The following KHDRBS2 variants were observed in gnomAD, a reference collection of about 807,000 sequenced individuals.
KHDRBS2 encodes KH RNA binding domain containing, signal transduction associated 2, also known as KH domain-containing, RNA-binding, signal transduction-associated protein 2.
A neutral mutation model predicts 44.3 loss-of-function variants in KHDRBS2; 26 were observed. The observed-to-expected ratio is 0.59, with a 90% CI of 0.43 to 0.81. The LOEUF is 0.81. Among genes scored for constraint, KHDRBS2 ranks in the 40% least tolerant of loss-of-function variants. KHDRBS2 has a pLI of 0.00. For synonymous variants in KHDRBS2, 194 were observed against 151.1 expected, an observed-to-expected ratio of 1.28 and a Z score of -2.08; for missense variants, 476 against 433.1, an observed-to-expected ratio of 1.10 and a Z score of -0.88.
intron 2 of KHDRBS2, among the ~76,000 whole-genome samples, chr6:62,083,014 C>T (rs1439015157): frequency 6.6e-6 from 1 of 152,124 alleles, no homozygotes; most frequent in Non-Finnish European, 1.5e-5. Flanking sequence ...TAGAAAAGGG[C>T]AGGGTCCCTG....
chr6:61,969,985 C>A (rs955859), intron 4 of KHDRBS2, among the ~76,000 whole-genome samples: 2 of 151,662 alleles, frequency 1.3e-5, no homozygotes, highest in African/African-American at 4.8e-5. Context: ...CCCTAAAATT[C>A]TAAAGTTCAG....
intron 1 of KHDRBS2, among the ~76,000 whole-genome samples, chr6:62,226,998 C>T (rs1288378477): frequency 2.0e-5 from 3 of 151,992 alleles, no homozygotes; most frequent in Admixed American, 1.3e-4. Context: ...ATTATCTTGG[C>T]TTTATGGGCC....
In KHDRBS2 at chr6:61,901,350, G is replaced by A; in HGVS notation, c.505C>T (p.Gln169Ter). ...LVPDYNDEIR[Q>*]EQLRELSYLN... ...TAAGATAATTCACGTAGTTGTTCCT[G>A]ACGAATTTCATCATTGTAGTCCTGG... The change falls in exon 5 of 9, where the codon CAG becomes TAG. Residue 169 changes from glutamine to a stop codon, truncating the protein, a stop_gained. Transcript: ENST00000281156. LOFTEE classifies it high-confidence loss of function. 1.2e-6 allele frequency: 2 copies of A among 1,612,334 alleles called. No individual in the cohort carries two copies. The highest frequency in any genetic ancestry group is 8.5e-7 in the Non-Finnish European group (1 of 1,179,258).
intron 7 of KHDRBS2, among the ~76,000 whole-genome samples, chr6:61,722,984 C>T (rs1772932554): frequency 6.6e-6 from 1 of 152,118 alleles, no homozygotes; most frequent in Admixed American, 6.6e-5. Flanking sequence ...GCTGGAATTA[C>T]AGGCATGAGC....
intron 4 of KHDRBS2, among the ~76,000 whole-genome samples, chr6:61,931,512 CTT>C (rs1156853726): frequency 6.6e-6 from 1 of 151,942 alleles, no homozygotes; most frequent in Non-Finnish European, 1.5e-5. Context: ...CATATTATCA[CTT>C]ATATAAAAAT....
chr6:61,680,778 GT>G lies in KHDRBS2; in HGVS notation c.*184del, dbSNP rs1766211594. Reference sequence around the variant, plus strand: ...CAGTCTGTTTTGTAAAATAATACTAGTGTCAATGTCACGCCAACAGTACAGA... The same window carrying G: ...CAGTCTGTTTTGTAAAATAATACTAGGTCAATGTCACGCCAACAGTACAGA... On this transcript the variant is annotated 3_prime_UTR_variant, in exon 9 of 9. Coordinates refer to ENST00000281156, the MANE Select transcript of KHDRBS2 (RefSeq NM_152688.4). 1 of 463,922 alleles carries G rather than the reference GT, an allele frequency of 2.2e-6. No homozygotes were observed. Among genetic ancestry groups the G allele is most frequent in the Non-Finnish European group, 3.9e-6 (1 of 258,422 alleles). The allele number at this position is 463,922 out of a possible 1,614,324, so 28.7% of individuals were successfully genotyped here.
At chr6:62,067,641 A>C (rs1794057778) in intron 2 of KHDRBS2, among the ~76,000 whole-genome samples, 2 of 151,552 alleles carry the variant, frequency 1.3e-5, no homozygotes, top group Non-Finnish European at 3.0e-5. Flanking sequence ...TTTTTTACGT[A>C]TGTTCACAGG....
the KHDRBS2 span, among the ~76,000 whole-genome samples, chr6:61,565,560 A>C: frequency 6.6e-6 from 1 of 152,196 alleles, no homozygotes; most frequent in Non-Finnish European, 1.5e-5. Flanking sequence ...AGGAATATGC[A>C]AAAATGCTCA....
chr6:61,547,532 T>A, the KHDRBS2 span, among the ~76,000 whole-genome samples: 38 of 152,246 alleles, frequency 2.5e-4, no homozygotes, highest in Non-Finnish European at 4.9e-4. Flanking sequence ...GTAGACTCCT[T>A]AATGAAAGAT....
At chr6:61,677,759 C>A (rs532021684), downstream of KHDRBS2, among the ~76,000 whole-genome samples, 1 of 151,834 alleles carries the variant, frequency 6.6e-6, no homozygotes. Flanking sequence ...TGTAAGTCTG[C>A]CCCTCAGGGC....
chr6:61,862,448 G>T (rs550256), intron 6 of KHDRBS2, among the ~76,000 whole-genome samples: 86,862 of 151,514 alleles, frequency 0.57, 25,033 homozygotes, highest in South Asian at 0.68. Flanking sequence ...CGATATCATT[G>T]GTGGGTTTGT....
chr6:61,798,847 A>G (rs1743447), intron 6 of KHDRBS2, among the ~76,000 whole-genome samples: 92,628 of 151,624 alleles, frequency 0.61, 28,552 homozygotes, highest in African/African-American at 0.68. Flanking sequence ...GCAAAAAAGC[A>G]TTCAATATAT....
chr6:62,267,722 C>A (rs1269396950), intron 1 of KHDRBS2, among the ~76,000 whole-genome samples: 1 of 151,920 alleles, frequency 6.6e-6, no homozygotes, highest in Non-Finnish European at 1.5e-5. Context: ...CTCTCCTATT[C>A]CCCCCATGTG....
chr6:61,819,444 A>G (rs555840111), intron 6 of KHDRBS2, among the ~76,000 whole-genome samples: 3 of 152,028 alleles, frequency 2.0e-5, no homozygotes, highest in African/African-American at 7.2e-5. Flanking sequence ...AGACATACAC[A>G]GTTCTCAAGT....
chr6:61,696,151 G>T (rs1767875252), intron 8 of KHDRBS2, among the ~76,000 whole-genome samples: 1 of 151,474 alleles, frequency 6.6e-6, no homozygotes, highest in Middle Eastern at 3.2e-3. Flanking sequence ...AGCAGCCTTG[G>T]TATTATTTTA....
At chr6:61,636,671 T>C in the KHDRBS2 span, among the ~76,000 whole-genome samples, 3 of 152,116 alleles carry the variant, frequency 2.0e-5, no homozygotes, top group Admixed American at 2.0e-4. Flanking sequence ...CCACAATATA[T>C]ACGATGGCTC....
intron 2 of KHDRBS2, among the ~76,000 whole-genome samples, chr6:62,063,372 A>T (rs1792570408): frequency 6.6e-6 from 1 of 151,718 alleles, no homozygotes; most frequent in South Asian, 2.1e-4. Context: ...TTGATGCAAA[A>T]ATCCTCAATA....
the KHDRBS2 span, among the ~76,000 whole-genome samples, chr6:61,564,585 A>G: frequency 1.3e-5 from 2 of 152,092 alleles, no homozygotes; most frequent in Non-Finnish European, 2.9e-5. Flanking sequence ...AAAGTTGAGG[A>G]TAGTATCAAT....
chr6:62,166,435 T>C (rs1818706350), intron 2 of KHDRBS2, among the ~76,000 whole-genome samples: 2 of 152,044 alleles, frequency 1.3e-5, no homozygotes, highest in Non-Finnish European at 2.9e-5. Context: ...TCTGAAATTG[T>C]GTATTACATA....
Sources: allele counts gnomAD v4.1 joint callset (sites outside exome capture counted in the v4.1 genomes callset), GRCh38; gene constraint gnomAD v4.1.1; transcripts MANE v1.5; gene names NCBI Gene and HGNC (gene_info 2026-07-23, HGNC 2026-07-21).